Variants in WDPCP observed in about 807,000 individuals in gnomAD.
The protein encoded by WDPCP is WD repeat containing planar cell polarity effector, also known as WD repeat-containing and planar cell polarity effector protein fritz homolog.
Under a neutral mutation model 93.1 loss-of-function variants are expected in WDPCP, and 71 were observed. That is an observed-to-expected ratio of 0.76 (90% confidence interval 0.63 to 0.93). The LOEUF (loss-of-function observed/expected upper bound fraction) is 0.93. Ranked by LOEUF, WDPCP falls within the 40% of genes least tolerant of loss-of-function variation. The probability of loss-of-function intolerance (pLI) is 0.00; values close to 1 mark genes in which losing one functional copy is unlikely to be tolerated. For synonymous variants in WDPCP, 315 were observed against 315.0 expected (o/e 1.00, Z 0.00); for missense variants, 844 against 887.4 (o/e 0.95, Z 0.62).
At chr2:63,362,447 C>T (rs1162676084) in intron 12 of WDPCP, among the ~76,000 whole-genome samples, 2 of 151,822 alleles carry the variant, frequency 1.3e-5, no homozygotes, top group African/African-American at 2.4e-5. Flanking sequence ...TTTATTAATA[C>T]TGTAGTCACC....
At chr2:63,132,454 T>C (rs1232415642) in intron 17 of WDPCP, among the ~76,000 whole-genome samples, 1 of 151,704 alleles carries the variant, frequency 6.6e-6, no homozygotes, top group African/African-American at 2.4e-5. Flanking sequence ...TGTCTTCTCC[T>C]TCTGGGATCT....
intron 10 of WDPCP, among the ~76,000 whole-genome samples, chr2:63,387,833 T>A (rs1692873002): frequency 6.6e-6 from 1 of 151,728 alleles, no homozygotes; most frequent in African/African-American, 2.4e-5. Flanking sequence ...ACCAACGACA[T>A]CCAAGCTGAG....
At chr2:63,237,102 T>C (rs1162322017) in intron 14 of WDPCP, among the ~76,000 whole-genome samples, 1 of 149,708 alleles carries the variant, frequency 6.7e-6, no homozygotes, top group Non-Finnish European at 1.5e-5. Context: ...AGGACTAATA[T>C]CCGGAATCTA....
intron 14 of WDPCP, among the ~76,000 whole-genome samples, chr2:63,239,042 A>C (rs13422328): frequency 0.17 from 26,411 of 152,194 alleles, 2,528 homozygotes; most frequent in Middle Eastern, 0.23. Flanking sequence ...GCCGTAGAAT[A>C]CAGCCTCAGT....
At chr2:63,675,192 C>A (rs1188954287) in intron 2 of WDPCP, among the ~76,000 whole-genome samples, 1 of 152,144 alleles carries the variant, frequency 6.6e-6, no homozygotes, top group East Asian at 1.9e-4. Flanking sequence ...CTCTGCCAAG[C>A]CCCTCTTAGG....
chr2:63,146,720 G>A (rs2103762031), intron 17 of WDPCP, among the ~76,000 whole-genome samples: 1 of 152,284 alleles, frequency 6.6e-6, no homozygotes, highest in East Asian at 1.9e-4. Flanking sequence ...AGTGGCTAAA[G>A]AGGCGAAGTG....
rs1487319601 is a variant in WDPCP, at chr2:63,127,655, G to A, written c.2191-5599C>T. Among the ~76,000 whole-genome samples the A allele has an allele frequency of 2.6e-5, 3 of 113,408 alleles. No homozygotes were observed. The East Asian group carries it at 6.9e-4, about 26-fold the overall frequency. The allele number at this position is 113,408 out of a possible 152,430, so 74.4% of individuals were successfully genotyped here. On this transcript the variant is annotated intron_variant, in intron 17 of 17. Transcript: ENST00000272321. ...GTCAACATGTAAATACCGTGTATGT[G>A]TATGTGCATATATATATATATATAT...
At position 63,606,189 on chromosome 2, in the gene WDPCP, C is replaced by T. The variant is rs569191376; in HGVS notation, n.488+44470G>A. On this transcript the variant is annotated intron_variant and non_coding_transcript_variant, in intron 3 of 4. Transcript: ENST00000467687. The stretch of plus-strand genomic sequence containing the variant: ...TTGAGCCCAGGAGTTCAAGACCAGC[C>T]GGGGCAACATAGTGAGACCCCCTCT... Among the ~76,000 whole-genome samples the T allele has an allele frequency of 5.9e-5, 9 of 152,228 alleles. No individual in the cohort carries two copies. In the East Asian group the frequency reaches 9.6e-4, roughly 16 times the overall value.
At chr2:63,161,596 CA>C (rs1001401343) in intron 15 of WDPCP, among the ~76,000 whole-genome samples, 1 of 151,470 alleles carries the variant, frequency 6.6e-6, no homozygotes, top group African/African-American at 2.4e-5. Flanking sequence ...GAAAATAAAA[CA>C]AAAAAAGCCC....
intron 13 of WDPCP, among the ~76,000 whole-genome samples, chr2:63,284,553 G>A (rs561256872): frequency 6.6e-6 from 1 of 152,048 alleles, no homozygotes; most frequent in Admixed American, 6.5e-5. Context: ...TGAGCTTTGG[G>A]GCCATAATTT....
At chr2:63,424,612 A>G (rs1179116534) in intron 9 of WDPCP, among the ~76,000 whole-genome samples, 2 of 152,160 alleles carry the variant, frequency 1.3e-5, no homozygotes, top group Non-Finnish European at 2.9e-5. Context: ...CCCAGTCCCA[A>G]TCCCCCAGGG....
intron 14 of WDPCP, among the ~76,000 whole-genome samples, chr2:63,231,636 C>T (rs1346592862): frequency 6.6e-6 from 1 of 152,016 alleles, no homozygotes; most frequent in African/African-American, 2.4e-5. Context: ...ATGTGAAGGA[C>T]CTCTTCAAGG....
intron 13 of WDPCP, among the ~76,000 whole-genome samples, chr2:63,289,026 T>C (rs1471167024): frequency 6.6e-6 from 1 of 152,134 alleles, no homozygotes; most frequent in African/African-American, 2.4e-5. Flanking sequence ...ATTTCTTCCA[T>C]TATTGACGAT....
chr2:63,253,615 C>CAAG (rs1377508089), intron 14 of WDPCP, among the ~76,000 whole-genome samples: 1 of 152,074 alleles, frequency 6.6e-6, no homozygotes, highest in African/African-American at 2.4e-5. Flanking sequence ...AGCAGACATA[C>CAAG]AAGCAGTCAA....
At chr2:63,442,059 T>G (rs193148720) in intron 6 of WDPCP, 2 of 152,034 alleles carry the variant, frequency 1.3e-5, no homozygotes, top group African/African-American at 4.8e-5. Context: ...ACTCTTGAGA[T>G]TGAGGCTGAG....
intron 13 of WDPCP, among the ~76,000 whole-genome samples, chr2:63,259,825 G>A (rs1404838906): frequency 3.9e-5 from 6 of 152,112 alleles, no homozygotes; most frequent in Non-Finnish European, 8.8e-5. Context: ...GCATATATTT[G>A]TTATTATTAA....
intron 14 of WDPCP, among the ~76,000 whole-genome samples, chr2:63,185,172 G>A (rs1032223200): frequency 6.6e-6 from 1 of 152,126 alleles, no homozygotes; most frequent in African/African-American, 2.4e-5. Flanking sequence ...TTTTGGATCT[G>A]ATTGAGCTTC....
intron 2 of WDPCP, among the ~76,000 whole-genome samples, chr2:63,719,485 T>C (rs1269853610): frequency 1.3e-5 from 2 of 152,184 alleles, no homozygotes; most frequent in African/African-American, 2.4e-5. Context: ...GATGTACAAA[T>C]GGAGAATAAC....
intron 6 of WDPCP, among the ~76,000 whole-genome samples, chr2:63,474,763 G>T (rs929709367): frequency 1.3e-5 from 2 of 152,058 alleles, no homozygotes; most frequent in Non-Finnish European, 2.9e-5. Context: ...ACATGAAAAA[G>T]AATATATGTA....
Sources: allele counts gnomAD v4.1 joint callset (sites outside exome capture counted in the v4.1 genomes callset), GRCh38; gene constraint gnomAD v4.1.1; transcripts MANE v1.5; gene names NCBI Gene and HGNC (gene_info 2026-07-23, HGNC 2026-07-21).